PPP1R9A: variants seen among roughly 807,000 people sequenced by gnomAD.
The protein encoded by PPP1R9A is neurabin-1.
In PPP1R9A, 59 loss-of-function variants were observed where a neutral mutation model predicts 141.9. That is an observed-to-expected ratio of 0.42 (90% CI 0.34 to 0.52). PPP1R9A has a LOEUF of 0.52. Among genes scored for constraint, PPP1R9A ranks in the 20% least tolerant of loss-of-function variants. The probability of loss-of-function intolerance (pLI) is 0.10; values close to 1 mark genes in which losing one functional copy is unlikely to be tolerated. For synonymous variants in PPP1R9A, 500 were observed against 569.7 expected, an observed-to-expected ratio of 0.88 and a Z score of 1.74; for missense variants, 1,444 against 1,611.9, an observed-to-expected ratio of 0.90 and a Z score of 1.78.
chr7:94,947,028 C>T (rs1162178289), intron 2 of PPP1R9A, among the ~76,000 whole-genome samples: 1 of 152,090 alleles, frequency 6.6e-6, no homozygotes, highest in Admixed American at 6.6e-5. Flanking sequence ...ATACTAAAAG[C>T]CCAATGGTCA....
intron 2 of PPP1R9A, among the ~76,000 whole-genome samples, chr7:94,952,571 A>G (rs188078058): frequency 3.0e-4 from 46 of 152,308 alleles, no homozygotes; most frequent in African/African-American, 9.4e-4. Context: ...CACACCCACC[A>G]ACAGTGTAAA....
At chr7:95,162,130 G>C (rs1430439426) in intron 5 of PPP1R9A, among the ~76,000 whole-genome samples, 159 bp downstream of exon 5, 2 of 151,918 alleles carry the variant, frequency 1.3e-5, no homozygotes, top group Non-Finnish European at 2.9e-5. Context: ...ATTATAATTA[G>C]TTCATGAAAA....
chr7:94,937,480 A>G (rs575451806), intron 2 of PPP1R9A, among the ~76,000 whole-genome samples: 190 of 152,290 alleles, frequency 1.2e-3, no homozygotes, highest in Middle Eastern at 6.8e-3. Context: ...GACTTCTTCA[A>G]TGTTGCAATA....
intron 2 of PPP1R9A, among the ~76,000 whole-genome samples, chr7:95,044,315 A>T (rs1377878169): frequency 6.6e-6 from 1 of 151,706 alleles, no homozygotes; most frequent in Admixed American, 6.6e-5. Flanking sequence ...GTGGCTCTTT[A>T]TACTCTTTTC....
At position 95,290,852 on chromosome 7, in the gene PPP1R9A, A is replaced by G. The variant is rs1450118920; in HGVS notation, c.*549A>G. 2 of 154,874 alleles carry G rather than the reference A, an allele frequency of 1.3e-5. No homozygotes were observed. Among genetic ancestry groups the G allele is most frequent in the Non-Finnish European group, 2.9e-5 (2 of 69,680 alleles). 9.6% of individuals were successfully genotyped at this position (154,874 alleles called of 1,614,324 possible). On this transcript the variant is annotated 3_prime_UTR_variant, in exon 20 of 20. Transcript: ENST00000433360. ...AGTGAGACCACCCCGCTGTGGAAAC[A>G]TGGGTGCTCTGCTCTGTAGTTACCT...
chr7:95,114,412 A>G (rs1821107347), intron 3 of PPP1R9A, among the ~76,000 whole-genome samples: 1 of 152,180 alleles, frequency 6.6e-6, no homozygotes, highest in Non-Finnish European at 1.5e-5. Flanking sequence ...AATGTTTAGT[A>G]TAATGGTCAC....
chr7:94,975,773 A>T (rs1282086161), intron 2 of PPP1R9A, among the ~76,000 whole-genome samples: 1 of 152,154 alleles, frequency 6.6e-6, no homozygotes. Context: ...GAAATAGGTT[A>T]TCTTTGCTTA....
At chr7:95,103,790 A>G (rs1361137095) in intron 2 of PPP1R9A, among the ~76,000 whole-genome samples, 2 of 152,170 alleles carry the variant, frequency 1.3e-5, no homozygotes, top group Non-Finnish European at 2.9e-5. Context: ...CTTCTCGTGT[A>G]AAAATATGAA....
At chr7:95,103,011 A>G (rs571637859) in intron 2 of PPP1R9A, among the ~76,000 whole-genome samples, 1 of 152,276 alleles carries the variant, frequency 6.6e-6, no homozygotes, top group South Asian at 2.1e-4. Context: ...GGCCTCATCA[A>G]ATTCATTGAA....
chr7:94,945,788 A>T (rs1206680370), intron 2 of PPP1R9A, among the ~76,000 whole-genome samples: 1 of 152,082 alleles, frequency 6.6e-6, no homozygotes, highest in Non-Finnish European at 1.5e-5. Context: ...TAGAAACAAA[A>T]GAATTTGTTA....
intron 2 of PPP1R9A, among the ~76,000 whole-genome samples, chr7:95,091,518 A>G (rs966782772): frequency 6.6e-6 from 1 of 150,992 alleles, no homozygotes; most frequent in Non-Finnish European, 1.5e-5. Context: ...TAATTTTTGT[A>G]TTTTTAGTAG....
At chr7:95,145,300 T>C (rs1827402593) in intron 4 of PPP1R9A, among the ~76,000 whole-genome samples, 1 of 152,216 alleles carries the variant, frequency 6.6e-6, no homozygotes, top group Non-Finnish European at 1.5e-5. Context: ...TTTTCATCAC[T>C]GATGCTGTCT....
chr7:94,910,874 A>G lies in PPP1R9A; in HGVS notation c.761A>G (p.Asp254Gly). The G allele has an allele frequency of 1.2e-6, 2 of 1,613,976 alleles. No homozygotes were observed. The highest frequency in any genetic ancestry group is 1.1e-5 in the South Asian group (1 of 91,086). Residue 254 changes from aspartate (D) to glycine (G), a missense_variant, in exon 2 of 20, where the codon GAT becomes GGT. Physicochemically the swap from Asp to Gly is moderately conservative, Grantham distance 94. This residue lies in a region of PPP1R9A where 490 missense variants were observed against 521.1 expected (regional missense o/e 0.94). Coordinates refer to ENST00000433360, the MANE Select transcript of PPP1R9A (RefSeq NM_001166160.2). This position sits in a 1 kb window ranked among gnomAD's most constrained non-coding sequence, Gnocchi z 4.5. ...CTTGACACATTTGGTCACCTGAAGGATTCTAATTCCTGGCCTCCTTCAAAC... is the reference window on the plus strand; with the variant it reads ...CTTGACACATTTGGTCACCTGAAGGGTTCTAATTCCTGGCCTCCTTCAAAC... ...TNLDTFGHLKDSNSWPPSNKR... is the reference protein window; with the variant it reads ...TNLDTFGHLKGSNSWPPSNKR...
chr7:95,145,733 G>A (rs988920423), intron 4 of PPP1R9A, among the ~76,000 whole-genome samples: 24 of 152,102 alleles, frequency 1.6e-4, no homozygotes, highest in Non-Finnish European at 2.8e-4. Flanking sequence ...CCCCACTTAC[G>A]AGAGAGAACA....
At chr7:94,951,719 C>T (rs1796496693) in intron 2 of PPP1R9A, among the ~76,000 whole-genome samples, 1 of 151,782 alleles carries the variant, frequency 6.6e-6, no homozygotes, top group African/African-American at 2.4e-5. Context: ...AGGGTTATAC[C>T]AGTCTCCTAG....
At chr7:95,287,931 A>G (rs1046659935) in intron 18 of PPP1R9A, among the ~76,000 whole-genome samples, 1 of 152,100 alleles carries the variant, frequency 6.6e-6, no homozygotes, top group Non-Finnish European at 1.5e-5. Flanking sequence ...CAAGTGATCC[A>G]CCCACTTCAG....
intron 2 of PPP1R9A, among the ~76,000 whole-genome samples, chr7:95,061,772 T>C (rs1313566430): frequency 6.6e-6 from 1 of 152,182 alleles, no homozygotes. Flanking sequence ...TGGCTTTGTC[T>C]GTGTTTGCAA....
rs765286990 is a variant in PPP1R9A at position 94,911,091 on chromosome 7, T to A, written c.978T>A (p.Ala326=). The A allele has an allele frequency of 9.3e-6, 15 of 1,614,008 alleles. No individual in the cohort carries two copies. In the Admixed American group the frequency reaches 2.5e-4, roughly 27 times the overall value. ...IDKDGPEEPC[A]ESKAMPKSEI... is the part of the protein sequence containing the mutation. Reference sequence around the variant, plus strand: ...AAGATGGTCCTGAAGAACCTTGTGCTGAAAGTAAGGCAATGCCAAAGTCCG... The same window carrying A: ...AAGATGGTCCTGAAGAACCTTGTGCAGAAAGTAAGGCAATGCCAAAGTCCG... The change falls in exon 2 of 20, where the codon GCT becomes GCA. Residue 326 remains alanine, a synonymous_variant. Transcript: ENST00000433360.
rs201429621 is a variant in PPP1R9A, at chr7:95,261,888, AT to A, written c.2666-6658del. Among the ~76,000 whole-genome samples, 1,071 of 152,224 alleles carry A rather than the reference AT, an allele frequency of 7.0e-3. 27 individuals carry two copies. The highest frequency in any genetic ancestry group is 0.04 in the Admixed American group (605 of 15,272). On this transcript the variant is annotated intron_variant, in intron 12 of 19. Transcript: ENST00000433360. ...GATTGTGAACCTTCAGTTTTCTTACATTTTCTAATGCTTTACATAACAAAAT... is the reference window on the plus strand; with the variant it reads ...GATTGTGAACCTTCAGTTTTCTTACATTTCTAATGCTTTACATAACAAAAT...
Sources: allele counts gnomAD v4.1 joint callset (sites outside exome capture counted in the v4.1 genomes callset), GRCh38; gene constraint gnomAD v4.1.1; regional missense constraint gnomAD v4.1.1; non-coding constraint Gnocchi (gnomAD v3.1); transcripts MANE v1.5; gene names NCBI Gene and HGNC (gene_info 2026-07-23, HGNC 2026-07-21).